The following ENTREP2 variants were observed in gnomAD, a reference collection of about 807,000 sequenced individuals.
ENTREP2 encodes protein ENTREP2.
At chr15:29,518,545 G>C in the ENTREP2 span, among the ~76,000 whole-genome samples, 1 of 152,292 alleles carries the variant, frequency 6.6e-6, no homozygotes, top group African/African-American at 2.4e-5. Context: ...TACATCTGTA[G>C]GACCCAGGAC....
At chr15:29,394,433 A>G in the ENTREP2 span, among the ~76,000 whole-genome samples, 1 of 152,190 alleles carries the variant, frequency 6.6e-6, no homozygotes, top group African/African-American at 2.4e-5. Flanking sequence ...CCCAGGAACA[A>G]AAACAGTTTA....
At chr15:29,380,069 A>T in the ENTREP2 span, among the ~76,000 whole-genome samples, 111 of 83,696 alleles carry the variant, frequency 1.3e-3, no homozygotes, top group Non-Finnish European at 2.2e-3. Flanking sequence ...GGCTGGGGGG[A>T]GGTGGGGGGT....
At chr15:29,483,293 C>A in the ENTREP2 span, among the ~76,000 whole-genome samples, 4 of 152,150 alleles carry the variant, frequency 2.6e-5, no homozygotes, top group Admixed American at 2.6e-4. Flanking sequence ...TCTTTTCATT[C>A]TCTTGACACT....
chr15:29,438,434 T>C, the ENTREP2 span, among the ~76,000 whole-genome samples: 2 of 152,144 alleles, frequency 1.3e-5, no homozygotes, highest in Non-Finnish European at 2.9e-5. Context: ...CTCAGAAATA[T>C]ATTGTAAAAG....
the ENTREP2 span, among the ~76,000 whole-genome samples, chr15:29,336,873 C>A: frequency 2.0e-5 from 3 of 152,094 alleles, no homozygotes; most frequent in African/African-American, 7.2e-5. Context: ...ACCTAATACC[C>A]CCTCCATCCC....
At chr15:29,123,463 T>C in the ENTREP2 span, 5 of 1,551,532 alleles carry the variant, frequency 3.2e-6, no homozygotes, top group Non-Finnish European at 4.4e-6. Context: ...ACAGTGTGAG[T>C]GTTCCAAAAA....
At chr15:29,430,154 G>A in the ENTREP2 span, among the ~76,000 whole-genome samples, 1 of 152,130 alleles carries the variant, frequency 6.6e-6, no homozygotes, top group African/African-American at 2.4e-5. Flanking sequence ...TCTTTCAGAA[G>A]GTGAGTTAGA....
At chr15:29,354,304 GC>G in the ENTREP2 span, among the ~76,000 whole-genome samples, 3 of 152,124 alleles carry the variant, frequency 2.0e-5, no homozygotes, top group Non-Finnish European at 4.4e-5. Flanking sequence ...CACACCACCA[GC>G]CTTCCAGGGT....
the ENTREP2 span, among the ~76,000 whole-genome samples, chr15:29,409,360 G>A: frequency 6.7e-6 from 1 of 148,682 alleles, no homozygotes; most frequent in Non-Finnish European, 1.5e-5. Context: ...TTTTTTTTTG[G>A]AGATGGAGTC....
the ENTREP2 span, among the ~76,000 whole-genome samples, chr15:29,135,121 C>T: frequency 9.2e-5 from 14 of 151,716 alleles, no homozygotes; most frequent in South Asian, 2.1e-4. This position sits in a 1 kb window ranked among gnomAD's most constrained non-coding sequence, Gnocchi z 7.4. Flanking sequence ...CCCCTACCCC[C>T]GCCCCTCCCT....
chr15:29,136,951 G>T, the ENTREP2 span: 1 of 1,168,942 alleles, frequency 8.6e-7, no homozygotes, highest in Non-Finnish European at 1.1e-6. Context: ...CGCCATGCCT[G>T]CAGGACCACT....
At chr15:29,276,462 T>A in the ENTREP2 span, among the ~76,000 whole-genome samples, 1 of 152,198 alleles carries the variant, frequency 6.6e-6, no homozygotes, top group Non-Finnish European at 1.5e-5. Context: ...CTGCCTTCCT[T>A]TCCTGAGTGC....
At chr15:29,609,524 G>C in the ENTREP2 span, among the ~76,000 whole-genome samples, 5 of 149,444 alleles carry the variant, frequency 3.3e-5, no homozygotes, top group Non-Finnish European at 5.9e-5. Flanking sequence ...ACCTCTCTTT[G>C]CCCTTCTGCC....
chr15:29,600,902 C>CCTTTTTTTTTTTTTTTTTTTTTTTTT, the ENTREP2 span, among the ~76,000 whole-genome samples: 4 of 123,610 alleles, frequency 3.2e-5, no homozygotes, highest in African/African-American at 1.4e-4. Context: ...ATTTTTCTTT[C>CCTTTTTTTTTTTTTTTTTTTTTTTTT]TTTTTTTTTT....
chr15:29,542,424 G>A, the ENTREP2 span, among the ~76,000 whole-genome samples: 74 of 151,930 alleles, frequency 4.9e-4, no homozygotes, highest in Admixed American at 4.4e-3. Flanking sequence ...TCAGCTTCCC[G>A]AGTAGCTGGG....
the ENTREP2 span, among the ~76,000 whole-genome samples, chr15:29,440,790 C>T: frequency 6.6e-6 from 1 of 152,154 alleles, no homozygotes; most frequent in African/African-American, 2.4e-5. Flanking sequence ...GCACCACTGG[C>T]TCCTCCAGGG....
At chr15:29,603,532 G>T in the ENTREP2 span, among the ~76,000 whole-genome samples, 2 of 152,328 alleles carry the variant, frequency 1.3e-5, no homozygotes, top group Admixed American at 6.5e-5. Flanking sequence ...GGGTGTCAGT[G>T]AGTGCTCTTC....
the ENTREP2 span, among the ~76,000 whole-genome samples, chr15:29,176,182 T>G: frequency 1.3e-5 from 2 of 152,184 alleles, no homozygotes; most frequent in Non-Finnish European, 1.5e-5. Flanking sequence ...ACTGATATTC[T>G]AACTCTTCCT....
the ENTREP2 span, among the ~76,000 whole-genome samples, chr15:29,176,800 C>T: frequency 1.3e-5 from 2 of 152,190 alleles, no homozygotes; most frequent in Admixed American, 6.5e-5. Flanking sequence ...AAGTTAATGC[C>T]CTTCTCCTCC....
Sources: gnomAD v4.1 joint callset for allele counts (sites outside exome capture counted in the v4.1 genomes callset) on GRCh38, gnomAD v4.1.1 for gene constraint, Gnocchi (gnomAD v3.1) non-coding constraint, MANE v1.5 for transcripts, NCBI Gene and HGNC (gene_info 2026-07-23, HGNC 2026-07-21) for gene names.